AVIL: variants seen among roughly 807,000 people sequenced by gnomAD.
AVIL encodes the protein advillin.
Under a neutral mutation model 109.9 loss-of-function variants are expected in AVIL, and 78 were observed. That is an observed-to-expected ratio of 0.71 (90% CI 0.59 to 0.86). The LOEUF is 0.86. Among genes scored for constraint, AVIL ranks in the 40% least tolerant of loss-of-function variants. AVIL has a pLI of 0.00. For missense variants in AVIL, 892 were observed against 1,016.5 expected (o/e 0.88, Z 1.67); for synonymous variants, 367 against 379.1 (o/e 0.97, Z 0.37).
chr12:57,816,386 A>C lies in AVIL; in HGVS notation c.-19-327T>G, dbSNP rs34929841. The C allele has an allele frequency of 5.7e-3, 1,113 of 196,870 alleles. 8 individuals carry two copies. The highest frequency in any genetic ancestry group is 7.7e-3 in the Non-Finnish European group (733 of 95,130). 12.2% of individuals were successfully genotyped at this position (196,870 alleles called of 1,614,324 possible). On this transcript the variant is annotated intron_variant, in intron 1 of 19. Transcript: ENST00000549994. ...GATTCACTTTGCATATGTTATCTCT[A>C]ATTTTCAGAAGGTGAGTTTCTTCAT...
chr12:57,815,199 G>A (rs560662042), intron 2 of AVIL, among the ~76,000 whole-genome samples: 7 of 152,182 alleles, frequency 4.6e-5, no homozygotes, highest in African/African-American at 7.2e-5. Flanking sequence ...TGATCCACCC[G>A]CCTCAGCCTC....
intron 4 of AVIL, among the ~76,000 whole-genome samples, chr12:57,812,925 C>T (rs1488039718): frequency 1.3e-5 from 2 of 152,262 alleles, no homozygotes; most frequent in South Asian, 2.1e-4. Context: ...GACCTGGATA[C>T]GTGAGGATTT....
rs184222628 is a variant in AVIL at position 57,809,296 on chromosome 12, G to A, written c.939+301C>T. On this transcript the variant is annotated intron_variant, in intron 9 of 19. Coordinates refer to ENST00000549994, the MANE Select transcript of AVIL (RefSeq NM_006576.4). Reference sequence around the variant, plus strand: ...ATTACAGGCGTGAGCCACTGCGCCCGGCCCTGAGTGCTTTACAAATGATAT... The same window carrying A: ...ATTACAGGCGTGAGCCACTGCGCCCAGCCCTGAGTGCTTTACAAATGATAT... 94 of 374,852 alleles carry A rather than the reference G, an allele frequency of 2.5e-4. 1 individual carries two copies. The Middle Eastern group carries it at 6.5e-3, about 26-fold the overall frequency. 23.2% of individuals were successfully genotyped at this position (374,852 alleles called of 1,614,324 possible). A position where few individuals can be genotyped will look rare whatever the true frequency, so the allele number is the denominator to read the frequency against.
chr12:57,808,531 C>G lies in AVIL; in HGVS notation c.957G>C (p.Lys319Asn), dbSNP rs745514129. Reference protein sequence around the residue: ...MSKALGFIKMKSYPSSTNVET... With the variant: ...MSKALGFIKMNSYPSSTNVET... ...CCACATTGGTGCTGCTGGGGTAGCT[C>G]TTCATCTTGATGAAGCCCTGCAGAG... The change falls in exon 10 of 20, where the codon AAG becomes AAC. Residue 319 changes from lysine (K) to asparagine (N), a missense_variant. Physicochemically the swap from Lys to Asn is moderately conservative, Grantham distance 94. Coordinates refer to ENST00000549994, the MANE Select transcript of AVIL (RefSeq NM_006576.4). The G allele has an allele frequency of 1.1e-5, 17 of 1,614,104 alleles. No homozygotes were observed. In the Admixed American group the frequency reaches 2.8e-4, roughly 27 times the overall value.
chr12:57,817,021 T>A (rs1482643361), intron 1 of AVIL, among the ~76,000 whole-genome samples: 16 of 152,016 alleles, frequency 1.1e-4, no homozygotes, highest in Admixed American at 6.6e-4. Flanking sequence ...AAGATCTAAG[T>A]CTGTGTAGGT....
At chr12:57,799,973 G>A (rs1463016481) in intron 18 of AVIL, 53 bp from the exon 19 acceptor site, 11 of 1,604,268 alleles carry the variant, frequency 6.9e-6, no homozygotes, top group Middle Eastern at 3.3e-4. Flanking sequence ...GTGTCTGTGT[G>A]GTTACAGTTC....
chr12:57,801,086 G>A, intron 18 of AVIL, 58 bp downstream of exon 18: 2 of 1,436,528 alleles, frequency 1.4e-6, no homozygotes, highest in Non-Finnish European at 2.0e-6. Context: ...GCATTTGTGT[G>A]TTCTCTGGCT....
rs3741426 is a variant in AVIL at position 57,815,979 on chromosome 12, A to G, written c.62T>C (p.Ile21Thr). ...GGTGCCTCCAGCCCAGCTCACCTCT[A>G]TTCTCCAGACAATGATCCCAGGGTC... ...DNDPGIIVWR[I>T]EKMELALVPV... is the part of the protein sequence containing the mutation. The change falls in exon 2 of 20, where the codon ATA (isoleucine) becomes ACA (threonine). Residue 21 changes from isoleucine (I) to threonine (T), a missense_variant. By Grantham distance (89) the Ile-to-Thr change is moderately conservative. Transcript: ENST00000549994. 61 of 1,613,978 alleles carry G rather than the reference A, an allele frequency of 3.8e-5. No homozygotes were observed. Among genetic ancestry groups the G allele is most frequent in the Admixed American group, 2.0e-4 (12 of 60,022 alleles).
intron 17 of AVIL, 129 bp from the exon 18 acceptor site, chr12:57,801,341 A>C: frequency 1.4e-6 from 1 of 704,126 alleles, no homozygotes; most frequent in Non-Finnish European, 2.4e-6. Flanking sequence ...GGATAAGTAA[A>C]AATGAAAATC....
In AVIL at chr12:57,797,682, T is replaced by C. The variant is rs1771204239; in HGVS notation, c.*200A>G. The C allele has an allele frequency of 1.4e-6, 1 of 716,812 alleles. No individual in the cohort carries two copies. The highest frequency in any genetic ancestry group is 1.8e-6 in the Non-Finnish European group (1 of 541,540). The allele number at this position is 716,812 out of a possible 1,614,324, so 44.4% of individuals were successfully genotyped here. ...AGAGGGCCACAAAACCCAAAAACTA[T>C]ATGGTTAACATTTTAGGTATATAAC... On this transcript the variant is annotated 3_prime_UTR_variant, in exon 20 of 20. Coordinates refer to ENST00000549994, the MANE Select transcript of AVIL (RefSeq NM_006576.4).
Position 57,801,131 on chromosome 12 carries a change from G to A in AVIL, c.2220+13C>T, listed in dbSNP as rs1230491017. ...CATGTGGCTGGCTTCTCCCAAGAGCGAACCCGACTCACAGCAGTGATTCGC... is the reference window on the plus strand; with the variant it reads ...CATGTGGCTGGCTTCTCCCAAGAGCAAACCCGACTCACAGCAGTGATTCGC... On this transcript the variant is annotated intron_variant, in intron 18 of 19. Coordinates refer to ENST00000549994, the MANE Select transcript of AVIL (RefSeq NM_006576.4). 9.9e-6 allele frequency: 16 copies of A among 1,612,302 alleles called. No homozygotes were observed. The highest frequency in any genetic ancestry group is 1.3e-5 in the African/African-American group (1 of 74,852).
chr12:57,807,381 C>G lies in AVIL; in HGVS notation c.1441G>C (p.Glu481Gln). Residue 481 changes from glutamate (E) to glutamine (Q), a missense_variant, in exon 13 of 20, where the codon GAG (glutamate) becomes CAG (glutamine). Transcript: ENST00000549994. ...AAGATGGCCATGAAGTGGCGTGGCT[C>G]CGTTCCCATCCTGACTCGAACCTGC... is the stretch of plus-strand genomic sequence containing the variant. ...AVQVRVRMGT[E>Q]PRHFMAIFKG... 1.9e-6 allele frequency: 3 copies of G among 1,614,212 alleles called. No individual in the cohort carries two copies. Among genetic ancestry groups the G allele is most frequent in the Non-Finnish European group, 1.7e-6 (2 of 1,180,040 alleles).
intron 1 of AVIL, among the ~76,000 whole-genome samples, chr12:57,816,697 GTCC>G (rs938386471): frequency 6.3e-5 from 6 of 95,776 alleles, no homozygotes; most frequent in Admixed American, 5.9e-4. Flanking sequence ...TTTGGCTTTT[GTCC>G]TTTTTTTTTT....
chr12:57,808,133 C>G (rs1955979883), intron 11 of AVIL, 61 bp downstream of exon 11: 10 of 1,559,764 alleles, frequency 6.4e-6, no homozygotes, highest in Middle Eastern at 1.7e-4. Context: ...ACCCCTGCCC[C>G]CAGCAGGACA....
At position 57,808,556 on chromosome 12, in the gene AVIL, G is replaced by T; in HGVS notation, c.940-8C>A. Reference sequence around the variant, plus strand: ...CTTCATCTTGATGAAGCCCTGCAGAGCCACCCATTCCCAAAGGCAGGTCAG... The same window carrying T: ...CTTCATCTTGATGAAGCCCTGCAGATCCACCCATTCCCAAAGGCAGGTCAG... On this transcript the variant is annotated splice_region_variant and splice_polypyrimidine_tract_variant and intron_variant, in intron 9 of 19. Coordinates refer to ENST00000549994, the MANE Select transcript of AVIL (RefSeq NM_006576.4). 1 of 1,613,526 alleles carries T rather than the reference G, an allele frequency of 6.2e-7. No individual in the cohort carries two copies. The highest frequency in any genetic ancestry group is 1.1e-5 in the South Asian group (1 of 91,004).
intron 4 of AVIL, 47 bp from the exon 5 acceptor site, chr12:57,811,174 G>T: frequency 6.4e-7 from 1 of 1,563,432 alleles, no homozygotes; most frequent in Non-Finnish European, 8.8e-7. Context: ...TATGTGCTAG[G>T]TTCTGGGGAG....
chr12:57,816,700 CTTTTTTTTT>C (rs11349032), intron 1 of AVIL, among the ~76,000 whole-genome samples: 2,673 of 93,552 alleles, frequency 0.029, 51 homozygotes, highest in Non-Finnish European at 0.04. Flanking sequence ...GGCTTTTGTC[CTTTTTTTTT>C]TTTTTTTTTT....
At chr12:57,818,283 T>C (rs1242306869) in intron 1 of AVIL, among the ~76,000 whole-genome samples, 1 of 136,114 alleles carries the variant, frequency 7.3e-6, no homozygotes, top group African/African-American at 2.7e-5. Flanking sequence ...CAAACAATCC[T>C]CATGCCCTGG....
intron 14 of AVIL, 182 bp from the exon 15 acceptor site, chr12:57,803,851 G>T (rs1338799137): frequency 2.5e-6 from 2 of 807,924 alleles, no homozygotes; most frequent in Non-Finnish European, 3.8e-6. Flanking sequence ...AACAGTGTGG[G>T]GCAAAGAACA....
Sources: allele counts gnomAD v4.1 joint callset (sites outside exome capture counted in the v4.1 genomes callset), GRCh38; gene constraint gnomAD v4.1.1; transcripts MANE v1.5; gene names NCBI Gene and HGNC (gene_info 2026-07-23, HGNC 2026-07-21).